Variants in MAST2 observed in about 807,000 individuals in gnomAD.
MAST2 encodes the protein microtubule associated serine/threonine kinase 2.
Under a neutral mutation model 147.4 loss-of-function variants are expected in MAST2, and 70 were observed. The ratio of observed to expected loss-of-function variants is 0.47; its 90% confidence interval spans 0.39 to 0.58. The LOEUF (loss-of-function observed/expected upper bound fraction) is 0.58. MAST2 is among the 20% of genes least tolerant of loss of function. The pLI is 0.00. For missense variants in MAST2, 2,080 were observed against 2,302.3 expected, an observed-to-expected ratio of 0.90 and a Z score of 1.98; for synonymous variants, 869 against 896.8, an observed-to-expected ratio of 0.97 and a Z score of 0.55.
intron 1 of MAST2, among the ~76,000 whole-genome samples, chr1:45,821,913 GAGTGTTGCTCTGTCACCC>G (rs1477575044): frequency 9.6e-6 from 1 of 104,368 alleles, no homozygotes; most frequent in African/African-American, 4.0e-5. Flanking sequence ...TTTGGTGACA[GAGTGTTGCTCTGTCACCC>G]AGCCTGGAGT....
intron 1 of MAST2, among the ~76,000 whole-genome samples, chr1:45,821,096 C>T (rs145250671): frequency 5.9e-5 from 9 of 151,784 alleles, no homozygotes; most frequent in Admixed American, 1.3e-4. Flanking sequence ...GACAGAGTTT[C>T]GCCATGTTGC....
chr1:46,027,666 TAC>T, intron 16 of MAST2, 63 bp from the exon 17 acceptor site: 2 of 1,548,432 alleles, frequency 1.3e-6, no homozygotes, highest in Non-Finnish European at 1.8e-6. Context: ...ACTGGGCATA[TAC>T]TAAAATCAGT....
intron 15 of MAST2, among the ~76,000 whole-genome samples, chr1:46,024,829 C>A (rs969571972): frequency 9.2e-5 from 14 of 152,144 alleles, no homozygotes; most frequent in Admixed American, 6.5e-5. Context: ...CTTTCCACCC[C>A]CCTCCATACC....
intron 4 of MAST2, among the ~76,000 whole-genome samples, chr1:45,909,470 A>G (rs559479862): frequency 6.6e-6 from 1 of 152,068 alleles, no homozygotes; most frequent in Non-Finnish European, 1.5e-5. Flanking sequence ...TTGTATATAT[A>G]ATATTATGCT....
chr1:45,855,574 GA>G (rs1165749338), intron 3 of MAST2, among the ~76,000 whole-genome samples: 2 of 151,690 alleles, frequency 1.3e-5, no homozygotes, highest in African/African-American at 4.8e-5. Context: ...TAAGAGGTCA[GA>G]TAGAAAAAAG....
chr1:45,883,911 T>TTCCCCCCC (rs1491218010), intron 4 of MAST2, among the ~76,000 whole-genome samples: 1 of 484 alleles, frequency 2.1e-3, no homozygotes, highest in African/African-American at 4.3e-3. Context: ...CTACTATTTC[T>TTCCCCCCC]GCCCCCCCCG....
chr1:46,011,171 T>G, intron 10 of MAST2: 1 of 562,574 alleles, frequency 1.8e-6, no homozygotes, highest in South Asian at 2.2e-5. Flanking sequence ...AATCCAAAAT[T>G]ATATTACTTT....
intron 3 of MAST2, among the ~76,000 whole-genome samples, chr1:45,839,942 A>G (rs1645223095): frequency 1.3e-5 from 2 of 152,212 alleles, no homozygotes; most frequent in Non-Finnish European, 2.9e-5. Context: ...CAACCTCTAT[A>G]CTTACCTCAT....
chr1:46,015,437 TAAA>T (rs1327354498), intron 10 of MAST2, among the ~76,000 whole-genome samples: 3 of 151,656 alleles, frequency 2.0e-5, no homozygotes, highest in African/African-American at 4.9e-5. Flanking sequence ...CCAAGACTAA[TAAA>T]GAAGAAAAGA....
At chr1:45,957,649 C>T (rs1659839359) in intron 4 of MAST2, among the ~76,000 whole-genome samples, 3 of 151,914 alleles carry the variant, frequency 2.0e-5, no homozygotes, top group Admixed American at 2.0e-4. Context: ...TTTTTATTTT[C>T]TGTACAGATT....
At chr1:45,850,935 T>G (rs1310374879) in intron 3 of MAST2, among the ~76,000 whole-genome samples, 1 of 152,004 alleles carries the variant, frequency 6.6e-6, no homozygotes, top group Non-Finnish European at 1.5e-5. Flanking sequence ...TTAGGATTGT[T>G]TTGGCTATTT....
intron 1 of MAST2, among the ~76,000 whole-genome samples, chr1:45,809,741 A>G (rs1408338464): frequency 2.6e-5 from 4 of 152,226 alleles, no homozygotes; most frequent in Non-Finnish European, 4.4e-5. Flanking sequence ...GAGGATCCTT[A>G]ATTGGGCTTC....
At position 46,023,622 on chromosome 1, in the gene MAST2, G is replaced by C. The variant is rs1646281626; in HGVS notation, c.1572-150G>C. On this transcript the variant is annotated intron_variant, in intron 14 of 28. Coordinates refer to ENST00000361297, the MANE Select transcript of MAST2 (RefSeq NM_015112.3). The surrounding 1 kb of genome is among the most constrained non-coding windows in gnomAD (Gnocchi z 4.9). ...AGAAGTTTAAGAGTTCTATGGACCA[G>C]GGGGTCCCAGACCCTTCTCACTGAT... The C allele has an allele frequency of 1.4e-6, 1 of 696,748 alleles. No homozygotes were observed. Among genetic ancestry groups the C allele is most frequent in the Non-Finnish European group, 2.4e-6 (1 of 412,870 alleles). The allele number at this position is 696,748 out of a possible 1,614,324, so 43.2% of individuals were successfully genotyped here.
intron 4 of MAST2, among the ~76,000 whole-genome samples, chr1:45,920,691 TCTTC>T (rs1287136696): frequency 2.0e-5 from 3 of 152,242 alleles, no homozygotes; most frequent in African/African-American, 4.8e-5. Context: ...AATTATTTTA[TCTTC>T]CTTAGTCAAG....
intron 3 of MAST2, among the ~76,000 whole-genome samples, chr1:45,859,560 G>T (rs1205054226): frequency 1.3e-5 from 2 of 152,236 alleles, no homozygotes; most frequent in African/African-American, 4.8e-5. Context: ...GACACAACAT[G>T]AGAGGGAGAA....
chr1:46,022,597 G>A (rs573760846), intron 12 of MAST2, among the ~76,000 whole-genome samples: 54 of 152,312 alleles, frequency 3.5e-4, no homozygotes, highest in African/African-American at 1.2e-3. Flanking sequence ...AGCAGTCTTG[G>A]CCAGCAGGAT....
At chr1:46,025,444 A>G (rs1020473246) in intron 15 of MAST2, among the ~76,000 whole-genome samples, 4 of 152,116 alleles carry the variant, frequency 2.6e-5, no homozygotes, top group Admixed American at 2.0e-4. Flanking sequence ...CCCACAACAC[A>G]TGGGAATTAT....
At chr1:45,979,613 G>GA (rs1418038170) in intron 5 of MAST2, among the ~76,000 whole-genome samples, 1 of 152,098 alleles carries the variant, frequency 6.6e-6, no homozygotes, top group Non-Finnish European at 1.5e-5. Context: ...CAAGGTAGGG[G>GA]AATTGCTTGA....
chr1:46,014,715 C>A (rs1390679829), intron 10 of MAST2, among the ~76,000 whole-genome samples: 1 of 151,976 alleles, frequency 6.6e-6, no homozygotes. Context: ...GACTCCCACA[C>A]AATAATAATG....
Sources: allele counts gnomAD v4.1 joint callset (sites outside exome capture counted in the v4.1 genomes callset), GRCh38; gene constraint gnomAD v4.1.1; non-coding constraint Gnocchi (gnomAD v3.1); transcripts MANE v1.5; gene names NCBI Gene and HGNC (gene_info 2026-07-23, HGNC 2026-07-21).